GPM6A: variants seen among roughly 807,000 people sequenced by gnomAD.
The protein encoded by GPM6A is glycoprotein M6A.
Under a neutral mutation model 32.1 loss-of-function variants are expected in GPM6A, and 7 were observed. That is an observed-to-expected ratio of 0.22 (90% CI 0.12 to 0.41). The LOEUF is 0.41. Among genes scored for constraint, GPM6A ranks in the 10% least tolerant of loss-of-function variants. GPM6A has a pLI of 1.00. For missense variants in GPM6A, 235 were observed against 347.2 expected (o/e 0.68, Z 2.57); for synonymous variants, 130 against 123.4 (o/e 1.05, Z -0.35).
chr4:175,634,949 T>A lies in GPM6A; in HGVS notation c.793A>T (p.Ile265Phe). The change falls in exon 7 of 7, where the codon ATC becomes TTC. Residue 265 changes from isoleucine (I) to phenylalanine (F), a missense_variant. By Grantham distance (21) the Ile-to-Phe change is conservative (BLOSUM62 0). This residue lies in a region of GPM6A where 27 missense variants were observed against 59.4 expected (regional missense o/e 0.45). Coordinates refer to ENST00000393658, the MANE Select transcript of GPM6A (RefSeq NM_201591.3). ...CGCTCTTTGGAGCGAGTAGAGTGGA[T>A]GTCATGAAGCTCTTGCTCTTCCTTC... ...KSKEEQELHD[I>F]HSTRSKERLN... The A allele has an allele frequency of 6.2e-7, 1 of 1,613,872 alleles. No homozygotes were observed. The highest frequency in any genetic ancestry group is 8.5e-7 in the Non-Finnish European group (1 of 1,179,786).
At chr4:175,957,461 G>T (rs954549669) in intron 1 of GPM6A, among the ~76,000 whole-genome samples, 3 of 150,782 alleles carry the variant, frequency 2.0e-5, no homozygotes, top group Non-Finnish European at 4.4e-5. Flanking sequence ...ACTAACACAA[G>T]AACAGAAAAC....
chr4:175,910,683 T>C (rs1268526186), intron 1 of GPM6A, among the ~76,000 whole-genome samples: 1 of 152,174 alleles, frequency 6.6e-6, no homozygotes, highest in Admixed American at 6.6e-5. Flanking sequence ...TCTAGATATT[T>C]TGCTTTCTCC....
rs548011759 is a variant in GPM6A, at chr4:175,662,011, A to T, written c.388-10024T>A. On this transcript the variant is annotated intron_variant, in intron 3 of 6. Coordinates refer to ENST00000393658, the MANE Select transcript of GPM6A (RefSeq NM_201591.3). ...AAACAGAACTATATAGACTGAAATG[A>T]TAAATTTTTTTAAAAAAAATTACAT... Among the ~76,000 whole-genome samples the T allele has an allele frequency of 2.6e-5, 4 of 152,328 alleles. No individual in the cohort carries two copies. The East Asian group carries it at 5.8e-4, about 22-fold the overall frequency.
At chr4:175,652,779 A>T (rs1344793952) in intron 3 of GPM6A, among the ~76,000 whole-genome samples, 2 of 152,136 alleles carry the variant, frequency 1.3e-5, no homozygotes, top group African/African-American at 2.4e-5. Flanking sequence ...GGACATGTAG[A>T]TGTATGAATT....
At chr4:175,807,786 G>C (rs377011445) in intron 1 of GPM6A, among the ~76,000 whole-genome samples, 7 of 152,222 alleles carry the variant, frequency 4.6e-5, no homozygotes, top group Non-Finnish European at 1.0e-4. Flanking sequence ...CTTCGAAGGA[G>C]TGTGGCTGCC....
intron 1 of GPM6A, among the ~76,000 whole-genome samples, chr4:175,702,714 A>G (rs1744950142): frequency 6.6e-6 from 1 of 152,144 alleles, no homozygotes; most frequent in Non-Finnish European, 1.5e-5. Flanking sequence ...ACAGGGTTTC[A>G]CCATATTGGT....
At chr4:175,825,806 T>C (rs1352562898) in intron 1 of GPM6A, among the ~76,000 whole-genome samples, 1 of 152,196 alleles carries the variant, frequency 6.6e-6, no homozygotes, top group Admixed American at 6.5e-5. Context: ...TTTGTAATTA[T>C]TTTTATGTGG....
intron 1 of GPM6A, among the ~76,000 whole-genome samples, chr4:175,942,823 C>T (rs889078619): frequency 6.6e-6 from 1 of 152,074 alleles, no homozygotes; most frequent in African/African-American, 2.4e-5. Context: ...ATGCCTCCAG[C>T]TTTGATCTTT....
chr4:175,812,096 GA>G, intron 1 of GPM6A, 94 bp downstream of exon 1: 1 of 918,378 alleles, frequency 1.1e-6, no homozygotes, highest in East Asian at 2.7e-5. Context: ...TTCCAAGAGA[GA>G]AACATTCATT....
At chr4:175,643,362 G>A (rs561786762) in intron 4 of GPM6A, among the ~76,000 whole-genome samples, 10 of 152,184 alleles carry the variant, frequency 6.6e-5, no homozygotes, top group African/African-American at 2.2e-4. Context: ...ATGGTACATC[G>A]TGGGAACTCA....
chr4:175,770,618 A>G (rs1733147950), intron 1 of GPM6A, among the ~76,000 whole-genome samples: 1 of 152,020 alleles, frequency 6.6e-6, no homozygotes, highest in South Asian at 2.1e-4. Flanking sequence ...CACATGTGCT[A>G]TATTTGTGCA....
chr4:175,913,316 T>C (rs1387812331), intron 1 of GPM6A, among the ~76,000 whole-genome samples: 2 of 152,218 alleles, frequency 1.3e-5, no homozygotes, highest in Non-Finnish European at 2.9e-5. Flanking sequence ...TATATTCATG[T>C]GTTTTAATAC....
chr4:175,646,246 C>A (rs1741457735), intron 4 of GPM6A, among the ~76,000 whole-genome samples: 1 of 152,090 alleles, frequency 6.6e-6, no homozygotes. Context: ...CAATATTTTA[C>A]CAAATGAATT....
chr4:175,951,260 A>C (rs1188323260), intron 1 of GPM6A, among the ~76,000 whole-genome samples: 2 of 152,238 alleles, frequency 1.3e-5, no homozygotes, highest in African/African-American at 2.4e-5. Context: ...ATAGTATTTC[A>C]TGTGAAAATA....
At chr4:175,869,178 C>T (rs780304416) in intron 1 of GPM6A, among the ~76,000 whole-genome samples, 1 of 152,166 alleles carries the variant, frequency 6.6e-6, no homozygotes, top group Non-Finnish European at 1.5e-5. Context: ...GCTATTCAAA[C>T]CCATAAATGC....
intron 1 of GPM6A, among the ~76,000 whole-genome samples, chr4:175,975,950 T>C (rs1740643557): frequency 6.7e-6 from 1 of 149,096 alleles, no homozygotes; most frequent in South Asian, 2.2e-4. Context: ...AAAACCATAG[T>C]AATAGTGGCT....
rs530316223 is a variant in GPM6A at position 175,913,272 on chromosome 4, C to T, written c.-23+89037G>A. Among the ~76,000 whole-genome samples the T allele has an allele frequency of 8.5e-5, 13 of 152,192 alleles. No individual in the cohort carries two copies. The South Asian group carries it at 2.7e-3, about 32-fold the overall frequency. ...ATGATTTGTAAACAAACAGAATCAC[C>T]CACTATGTCTTCCAAGAATTGTGTC... On this transcript the variant is annotated intron_variant, in intron 1 of 7. Transcript: ENST00000280187.
chr4:175,745,074 C>T (rs895293340), intron 1 of GPM6A, among the ~76,000 whole-genome samples: 2 of 147,288 alleles, frequency 1.4e-5, no homozygotes, highest in African/African-American at 4.9e-5. Context: ...ACTGCAGGAG[C>T]CATAAAGATG....
chr4:175,830,315 C>T (rs1209070024), intron 1 of GPM6A, among the ~76,000 whole-genome samples: 4 of 152,038 alleles, frequency 2.6e-5, no homozygotes, highest in Non-Finnish European at 4.4e-5. Context: ...AACTTGGGCA[C>T]GTTTGCTACA....
Sources: gnomAD v4.1 joint callset for allele counts (sites outside exome capture counted in the v4.1 genomes callset) on GRCh38, gnomAD v4.1.1 for gene constraint, gnomAD v4.1.1 regional missense constraint, MANE v1.5 for transcripts, NCBI Gene and HGNC (gene_info 2026-07-23, HGNC 2026-07-21) for gene names.